MED13L: variants seen among roughly 807,000 people sequenced by gnomAD.
The protein encoded by MED13L is mediator complex subunit 13L.
Under a neutral mutation model 220.9 loss-of-function variants are expected in MED13L, and 7 were observed. The ratio of observed to expected loss-of-function variants is 0.03; its 90% CI spans 0.02 to 0.06. MED13L has a LOEUF of 0.06. Ranked by LOEUF, MED13L falls within the 10% of genes least tolerant of loss-of-function variation. The probability of loss-of-function intolerance (pLI) is 1.00; values close to 1 mark genes in which losing one functional copy is unlikely to be tolerated. For synonymous variants in MED13L, 1,011 were observed against 1,015.2 expected (o/e 1.00, Z 0.08); for missense variants, 1,965 against 2,760.5 (o/e 0.71, Z 6.46).
chr12:116,150,462 G>C (rs1050121828), intron 2 of MED13L, among the ~76,000 whole-genome samples: 1 of 152,144 alleles, frequency 6.6e-6, no homozygotes, highest in Non-Finnish European at 1.5e-5. Context: ...TATAATCAAT[G>C]AGGTGGGAAA....
chr12:115,994,403 T>C (rs1366629295), intron 16 of MED13L, among the ~76,000 whole-genome samples: 1 of 152,132 alleles, frequency 6.6e-6, no homozygotes, highest in Admixed American at 6.5e-5. Flanking sequence ...TGAGCTGTGA[T>C]TGTGCCACTG....
intron 23 of MED13L, 168 bp downstream of exon 23, chr12:115,980,582 C>A: frequency 1.4e-6 from 1 of 737,292 alleles, no homozygotes; most frequent in East Asian, 2.6e-5. Flanking sequence ...CCTCAGCCTC[C>A]GAAAGTGCTA....
chr12:116,191,421 C>G (rs1881272455), intron 2 of MED13L, among the ~76,000 whole-genome samples: 1 of 152,036 alleles, frequency 6.6e-6, no homozygotes, highest in Non-Finnish European at 1.5e-5. Context: ...ACCTCCACCC[C>G]CTGGGTTCAA....
At chr12:116,123,518 A>G (rs1405149640) in intron 2 of MED13L, among the ~76,000 whole-genome samples, 1 of 152,158 alleles carries the variant, frequency 6.6e-6, no homozygotes, top group African/African-American at 2.4e-5. Context: ...AAAATTTAAA[A>G]TATTTCCTTC....
At chr12:116,172,026 T>C (rs1167962783) in intron 2 of MED13L, among the ~76,000 whole-genome samples, 1 of 152,174 alleles carries the variant, frequency 6.6e-6, no homozygotes, top group African/African-American at 2.4e-5. Context: ...ACTTTTGTTA[T>C]TGCTTCTAAT....
chr12:115,970,338 G>A (rs932847274), intron 27 of MED13L, among the ~76,000 whole-genome samples: 2 of 152,174 alleles, frequency 1.3e-5, no homozygotes, highest in African/African-American at 4.8e-5. Flanking sequence ...TGCCACGCAG[G>A]TATTATTTTT....
chr12:116,263,953 G>A (rs1368729299), intron 1 of MED13L, among the ~76,000 whole-genome samples: 1 of 152,190 alleles, frequency 6.6e-6, no homozygotes, highest in Non-Finnish European at 1.5e-5. Context: ...CTCAGAACCT[G>A]AGAAGGCAGA....
chr12:115,983,568 T>C, intron 20 of MED13L, 28 bp from the exon 21 acceptor site: 1 of 1,611,722 alleles, frequency 6.2e-7, no homozygotes, highest in Non-Finnish European at 8.5e-7. Context: ...AAGAGGTGAC[T>C]TTAGTGATAT....
At chr12:116,149,719 C>G (rs1565901140) in intron 2 of MED13L, among the ~76,000 whole-genome samples, 1 of 151,994 alleles carries the variant, frequency 6.6e-6, no homozygotes, top group Non-Finnish European at 1.5e-5. Context: ...TACAGATGAC[C>G]TAAGCAGAAG....
chr12:116,075,466 T>C (rs1459790241), intron 4 of MED13L, among the ~76,000 whole-genome samples: 1 of 152,220 alleles, frequency 6.6e-6, no homozygotes, highest in East Asian at 1.9e-4. Flanking sequence ...TAGGACTCCA[T>C]TTCCTCAGCT....
intron 4 of MED13L, among the ~76,000 whole-genome samples, chr12:116,035,731 C>T (rs992397753): frequency 6.6e-6 from 1 of 151,946 alleles, no homozygotes; most frequent in Admixed American, 6.6e-5. Flanking sequence ...GCTGGGACCC[C>T]AAGCACACGC....
chr12:116,092,589 T>C (rs1872327195), intron 4 of MED13L, among the ~76,000 whole-genome samples: 2 of 152,232 alleles, frequency 1.3e-5, no homozygotes, highest in African/African-American at 4.8e-5. Context: ...GTTAATAATG[T>C]ATTGTTACAC....
At chr12:116,167,250 G>T (rs1044271159) in intron 2 of MED13L, among the ~76,000 whole-genome samples, 20 of 152,098 alleles carry the variant, frequency 1.3e-4, no homozygotes, top group African/African-American at 4.3e-4. Flanking sequence ...CTAGGGTATG[G>T]AATTGTTGGC....
intron 2 of MED13L, among the ~76,000 whole-genome samples, chr12:116,162,146 G>A (rs1878900142): frequency 6.6e-6 from 1 of 152,120 alleles, no homozygotes; most frequent in African/African-American, 2.4e-5. Context: ...CCTAAAAACA[G>A]GAGATTCTAG....
At chr12:116,104,336 T>C (rs996007835) in intron 3 of MED13L, among the ~76,000 whole-genome samples, 2 of 152,120 alleles carry the variant, frequency 1.3e-5, no homozygotes, top group African/African-American at 4.8e-5. Flanking sequence ...ATCACCTCTA[T>C]TGCATCACCT....
intron 4 of MED13L, among the ~76,000 whole-genome samples, chr12:116,039,703 A>AAG (rs1881407887): frequency 6.6e-6 from 1 of 152,160 alleles, no homozygotes; most frequent in Non-Finnish European, 1.5e-5. Context: ...GAAGGCTATG[A>AAG]TGGCAGCCCA....
At chr12:116,130,842 C>G (rs949368560) in intron 2 of MED13L, among the ~76,000 whole-genome samples, 1 of 108,168 alleles carries the variant, frequency 9.2e-6, no homozygotes, top group African/African-American at 4.5e-5. Context: ...GAACAAGTAT[C>G]TAAGCCATTT....
intron 2 of MED13L, among the ~76,000 whole-genome samples, chr12:116,204,943 G>A (rs1016391510): frequency 1.3e-5 from 2 of 152,266 alleles, no homozygotes; most frequent in African/African-American, 2.4e-5. Context: ...GCAGTGTAGT[G>A]TCAGTGGTGA....
chr12:116,011,003 A>G (rs773786507), intron 9 of MED13L, among the ~76,000 whole-genome samples: 11 of 150,918 alleles, frequency 7.3e-5, no homozygotes, highest in Admixed American at 3.3e-4. Context: ...CAGCCTCCTG[A>G]GCAGCTGGGA....
Sources: allele counts gnomAD v4.1 joint callset (sites outside exome capture counted in the v4.1 genomes callset), GRCh38; gene constraint gnomAD v4.1.1; transcripts MANE v1.5; gene names NCBI Gene and HGNC (gene_info 2026-07-23, HGNC 2026-07-21).